The following PDE4D variants were observed in gnomAD, a reference collection of about 807,000 sequenced individuals.
The protein encoded by PDE4D is phosphodiesterase 4D.
A neutral mutation model predicts 87.4 loss-of-function variants in PDE4D; 24 were observed. The observed-to-expected ratio is 0.27, with a 90% CI of 0.20 to 0.39. The LOEUF is 0.39. Among genes scored for constraint, PDE4D ranks in the 10% least tolerant of loss-of-function variants. PDE4D has a pLI of 1.00. For synonymous variants in PDE4D, 384 were observed against 383.2 expected (o/e 1.00, Z -0.02); for missense variants, 714 against 1,041.0 (o/e 0.69, Z 4.32).
At chr5:60,069,523 C>A (rs918229417) in intron 2 of PDE4D, among the ~76,000 whole-genome samples, 1 of 151,954 alleles carries the variant, frequency 6.6e-6, no homozygotes, top group African/African-American at 2.4e-5. Flanking sequence ...TTTCTGGATT[C>A]TCTTATGTTC....
intron 1 of PDE4D, among the ~76,000 whole-genome samples, chr5:59,810,658 C>G (rs1768247480): frequency 6.6e-6 from 1 of 152,196 alleles, no homozygotes; most frequent in Admixed American, 6.5e-5. Context: ...GGTCCACCAG[C>G]CTCAGGGTCA....
At chr5:60,374,292 C>G (rs530204811) in intron 1 of PDE4D, among the ~76,000 whole-genome samples, 1 of 151,764 alleles carries the variant, frequency 6.6e-6, no homozygotes, top group Non-Finnish European at 1.5e-5. Context: ...TCTCTCCCCC[C>G]AAAAAAACAC....
intron 1 of PDE4D, among the ~76,000 whole-genome samples, chr5:59,565,146 G>C (rs573753266): frequency 2.0e-5 from 3 of 152,116 alleles, no homozygotes; most frequent in Non-Finnish European, 4.4e-5. Flanking sequence ...GATGGGCTCC[G>C]CTTGGCTCTT....
chr5:59,916,954 ATTTT>A (rs750105496), intron 3 of PDE4D, among the ~76,000 whole-genome samples: 1 of 73,614 alleles, frequency 1.4e-5, no homozygotes, highest in Non-Finnish European at 2.4e-5. Context: ...TGCCCGGCTA[ATTTT>A]TTTTTTTTTT....
chr5:60,513,163 C>T lies in PDE4D; in HGVS notation n.70+8888G>A, dbSNP rs181240496. On this transcript the variant is annotated intron_variant and non_coding_transcript_variant, in intron 1 of 2. Coordinates refer to the PDE4D transcript ENST00000506510. ...AAACATTAAGATTTTATTCAAAAGA[C>T]GAAATTTGCCAGGCTGTATTAAACA... Among the ~76,000 whole-genome samples the T allele has an allele frequency of 5.9e-5, 9 of 152,010 alleles. No individual in the cohort carries two copies. The South Asian group carries it at 6.2e-4, about 11-fold the overall frequency.
chr5:59,356,188 T>C (rs1781340584), intron 1 of PDE4D, among the ~76,000 whole-genome samples: 1 of 152,238 alleles, frequency 6.6e-6, no homozygotes. Context: ...AATAAGCTGA[T>C]TTTGTTGTAA....
At chr5:59,519,579 A>G (rs756816976) in intron 1 of PDE4D, among the ~76,000 whole-genome samples, 28 of 152,182 alleles carry the variant, frequency 1.8e-4, no homozygotes, top group Admixed American at 1.2e-3. Context: ...TGGTTTGAGA[A>G]GATGTCAGAT....
chr5:60,213,351 C>T (rs1743471187), intron 1 of PDE4D, among the ~76,000 whole-genome samples: 1 of 152,148 alleles, frequency 6.6e-6, no homozygotes, highest in Non-Finnish European at 1.5e-5. Context: ...GAGTCACTGA[C>T]ACCATGGTGT....
intron 1 of PDE4D, among the ~76,000 whole-genome samples, chr5:59,493,119 T>A (rs1421583678): frequency 1.3e-5 from 2 of 152,138 alleles, no homozygotes; most frequent in Non-Finnish European, 2.9e-5. Context: ...CTTAAAAAAA[T>A]TAATTGTCAG....
At chr5:59,008,269 T>G (rs1752050227) in intron 6 of PDE4D, among the ~76,000 whole-genome samples, 1 of 152,050 alleles carries the variant, frequency 6.6e-6, no homozygotes, top group African/African-American at 2.4e-5. Flanking sequence ...TTGGCCTAAA[T>G]GAATACCATA....
In PDE4D at chr5:60,004,290, G is replaced by A. The variant is rs556348371; in HGVS notation, c.43-15573C>T. On this transcript the variant is annotated intron_variant, in intron 2 of 16. Transcript: ENST00000502484. The stretch of plus-strand genomic sequence containing the variant: ...TAGTTTTACCTTGGTATCCATGGGG[G>A]ATTGGTTCAACCTTTCCCACCCTCT... Among the ~76,000 whole-genome samples, 2 of 152,178 alleles carry A rather than the reference G, an allele frequency of 1.3e-5. No homozygotes were observed. Among genetic ancestry groups the A allele is most frequent in the South Asian group, 2.1e-4 (1 of 4,816 alleles).
At chr5:60,436,652 T>C (rs530119540) in intron 1 of PDE4D, among the ~76,000 whole-genome samples, 1 of 152,214 alleles carries the variant, frequency 6.6e-6, no homozygotes, top group South Asian at 2.1e-4. Context: ...CTGCCTAAGC[T>C]ACTTGCAGGT....
Position 60,200,383 on chromosome 5 carries a change from A to T in PDE4D, c.-89-14696T>A, listed in dbSNP as rs933036418. 2.0e-5 allele frequency among the ~76,000 whole-genome samples: 3 copies of T among 151,600 alleles called. 1 individual carries two copies. The highest frequency in any genetic ancestry group is 4.4e-5 in the Non-Finnish European group (3 of 67,724). On this transcript the variant is annotated intron_variant, in intron 1 of 16. Coordinates refer to the PDE4D transcript ENST00000502484. ...AGAAGTCATTGAAGAGGAGAAAAACAGTTCTGATATATAGCTCAACTTTCA... is the reference window on the plus strand; with the variant it reads ...AGAAGTCATTGAAGAGGAGAAAAACTGTTCTGATATATAGCTCAACTTTCA...
chr5:59,096,703 G>T (rs1416923725), intron 5 of PDE4D, among the ~76,000 whole-genome samples: 1 of 152,102 alleles, frequency 6.6e-6, no homozygotes, highest in African/African-American at 2.4e-5. Context: ...GCATCAGGGA[G>T]AAAACAAAAC....
intron 1 of PDE4D, among the ~76,000 whole-genome samples, chr5:60,278,247 G>T (rs1385235654): frequency 6.6e-6 from 1 of 151,888 alleles, no homozygotes; most frequent in Non-Finnish European, 1.5e-5. Flanking sequence ...CTTCTTTCTG[G>T]TCTCCATGGT....
chr5:59,764,987 C>T (rs991808251), intron 1 of PDE4D, among the ~76,000 whole-genome samples: 1 of 152,110 alleles, frequency 6.6e-6, no homozygotes, highest in Non-Finnish European at 1.5e-5. Context: ...AGCATGAGAA[C>T]ACTAAAATAT....
At chr5:59,544,479 A>T (rs1816925364) in intron 1 of PDE4D, among the ~76,000 whole-genome samples, 1 of 152,240 alleles carries the variant, frequency 6.6e-6, no homozygotes, top group Admixed American at 6.5e-5. Flanking sequence ...ATCAGTCAGC[A>T]TGAGAGATAA....
intron 1 of PDE4D, among the ~76,000 whole-genome samples, chr5:59,460,458 A>G (rs1353612945): frequency 6.6e-6 from 1 of 152,196 alleles, no homozygotes; most frequent in Admixed American, 6.5e-5. Flanking sequence ...GATGATGTCA[A>G]GATATCACAT....
chr5:59,823,179 T>A (rs1769904733), intron 1 of PDE4D, among the ~76,000 whole-genome samples: 1 of 152,182 alleles, frequency 6.6e-6, no homozygotes, highest in Non-Finnish European at 1.5e-5. Context: ...CTTGGAGCTT[T>A]AAAAAGAGTT....
Sources: allele counts gnomAD v4.1 joint callset (sites outside exome capture counted in the v4.1 genomes callset), GRCh38; gene constraint gnomAD v4.1.1; transcripts MANE v1.5; gene names NCBI Gene and HGNC (gene_info 2026-07-23, HGNC 2026-07-21).